Variants in LINGO2 observed in about 807,000 individuals in gnomAD.
LINGO2 encodes the protein leucine rich repeat and Ig domain containing 2, also known as leucine-rich repeat and immunoglobulin-like domain-containing nogo receptor-interacting protein 2.
A neutral mutation model predicts 30.6 loss-of-function variants in LINGO2; 14 were observed. That is an observed-to-expected ratio of 0.46 (90% CI 0.30 to 0.72). The LOEUF (loss-of-function observed/expected upper bound fraction) is 0.72. Ranked by LOEUF, LINGO2 falls within the 30% of genes least tolerant of loss-of-function variation. LINGO2 has a pLI of 0.07. For missense variants in LINGO2, 729 were observed against 751.7 expected (o/e 0.97, Z 0.35); for synonymous variants, 317 against 288.5 (o/e 1.10, Z -1.00).
At chr9:28,027,550 A>C (rs1306262159) in intron 4 of LINGO2, among the ~76,000 whole-genome samples, 1 of 152,176 alleles carries the variant, frequency 6.6e-6, no homozygotes, top group Admixed American at 6.5e-5. Context: ...GTAAGGTGCA[A>C]GTCTGTCTAA....
the LINGO2 span, among the ~76,000 whole-genome samples, chr9:29,059,056 T>C: frequency 0.44 from 66,837 of 151,622 alleles, 14,855 homozygotes; most frequent in East Asian, 0.55. Flanking sequence ...AGCATAAATA[T>C]GAAATAGTAT....
At chr9:28,521,214 T>A (rs956269567) in intron 1 of LINGO2, among the ~76,000 whole-genome samples, 2 of 152,170 alleles carry the variant, frequency 1.3e-5, no homozygotes, top group Non-Finnish European at 2.9e-5. Flanking sequence ...CAAAGCAAGA[T>A]AAAAATAAAT....
rs113737794 is a variant in LINGO2, at chr9:28,410,657, G to C, written c.-278-37789C>G. On this transcript the variant is annotated intron_variant, in intron 2 of 5. Transcript: ENST00000379992. ...TAAAGGCTGACAAAGTATAGTAAGA[G>C]AAAGTTTGTTCTCTATTACAATCTG... 6.2e-3 allele frequency among the ~76,000 whole-genome samples: 939 copies of C among 152,178 alleles called. 12 individuals carry two copies. Among genetic ancestry groups the C allele is most frequent in the African/African-American group, 0.017 (705 of 41,526 alleles).
chr9:29,190,809 T>C, the LINGO2 span, among the ~76,000 whole-genome samples: 1 of 152,194 alleles, frequency 6.6e-6, no homozygotes, highest in African/African-American at 2.4e-5. Context: ...TCCAAATATA[T>C]GCCAATTAAC....
chr9:28,953,188 T>G, the LINGO2 span, among the ~76,000 whole-genome samples: 1 of 152,138 alleles, frequency 6.6e-6, no homozygotes, highest in African/African-American at 2.4e-5. Flanking sequence ...ATTGAACATT[T>G]ATCATTACTA....
the LINGO2 span, among the ~76,000 whole-genome samples, chr9:28,839,510 G>A: frequency 2.6e-5 from 4 of 152,120 alleles, no homozygotes; most frequent in African/African-American, 7.2e-5. Context: ...GGAGTGGGTA[G>A]CTCCTATTTA....
At chr9:28,358,315 C>G (rs1820310628) in intron 3 of LINGO2, among the ~76,000 whole-genome samples, 1 of 152,082 alleles carries the variant, frequency 6.6e-6, no homozygotes, top group East Asian at 1.9e-4. Context: ...TAAGTAAATT[C>G]TAATCAAGGA....
chr9:28,003,404 G>C (rs1822081568), intron 5 of LINGO2, among the ~76,000 whole-genome samples: 2 of 152,016 alleles, frequency 1.3e-5, no homozygotes, highest in Non-Finnish European at 1.5e-5. Context: ...GAGAGAGTTA[G>C]AGAGTTCACA....
At chr9:28,107,761 C>T (rs957131294) in intron 4 of LINGO2, among the ~76,000 whole-genome samples, 1 of 152,150 alleles carries the variant, frequency 6.6e-6, no homozygotes, top group Admixed American at 6.6e-5. Context: ...GTTTGCTCAA[C>T]CTCATAAATG....
At chr9:28,251,895 G>A (rs2134012627) in intron 4 of LINGO2, among the ~76,000 whole-genome samples, 1 of 152,186 alleles carries the variant, frequency 6.6e-6, no homozygotes, top group African/African-American at 2.4e-5. Context: ...TTGTATACCT[G>A]GAATTGTACT....
Position 28,147,730 on chromosome 9 carries a change from A to G in LINGO2, c.-86-135325T>C, listed in dbSNP as rs573092618. 1.6e-4 allele frequency among the ~76,000 whole-genome samples: 25 copies of G among 152,268 alleles called. No homozygotes were observed. Among genetic ancestry groups the G allele is most frequent in the African/African-American group, 6.0e-4 (25 of 41,578 alleles). On this transcript the variant is annotated intron_variant, in intron 4 of 5. Transcript: ENST00000379992. The surrounding 1 kb of genome is among the most constrained non-coding windows in gnomAD (Gnocchi z 4.7). ...CGTCCAGGGCCACACAACTGCCCCCAGGAGCAGGACGTCCCTGAGGCTAGA... is the reference window on the plus strand; with the variant it reads ...CGTCCAGGGCCACACAACTGCCCCCGGGAGCAGGACGTCCCTGAGGCTAGA...
At chr9:27,954,772 G>A (rs1009146469) in intron 5 of LINGO2, among the ~76,000 whole-genome samples, 1 of 152,112 alleles carries the variant, frequency 6.6e-6, no homozygotes, top group Non-Finnish European at 1.5e-5. Flanking sequence ...CCCAGCAGTG[G>A]GATTGCTGGA....
At chr9:28,702,941 A>G in the LINGO2 span, among the ~76,000 whole-genome samples, 1 of 151,834 alleles carries the variant, frequency 6.6e-6, no homozygotes, top group Non-Finnish European at 1.5e-5. Flanking sequence ...GTCTTCCTTT[A>G]TCAACCTTTT....
intron 2 of LINGO2, among the ~76,000 whole-genome samples, chr9:28,381,661 T>C: frequency 6.6e-6 from 1 of 152,136 alleles, no homozygotes; most frequent in East Asian, 1.9e-4. Flanking sequence ...GACTATAATC[T>C]TGGATTTAAA....
intron 4 of LINGO2, among the ~76,000 whole-genome samples, chr9:28,256,508 T>C (rs755950430): frequency 7.1e-4 from 108 of 151,884 alleles, no homozygotes; most frequent in Non-Finnish European, 1.3e-3. Flanking sequence ...AATAATTGCA[T>C]TAAATAACAG....
At chr9:27,938,981 G>C in the LINGO2 span, 1 of 152,254 alleles carries the variant, frequency 6.6e-6, no homozygotes, top group Admixed American at 6.5e-5. Context: ...TGAATATTTT[G>C]AGGGCATGTA....
At chr9:28,355,213 C>G (rs915520024) in intron 3 of LINGO2, among the ~76,000 whole-genome samples, 62 of 151,612 alleles carry the variant, frequency 4.1e-4, no homozygotes, top group African/African-American at 1.4e-3. Flanking sequence ...TTATAAATCT[C>G]AAAACCGTAA....
At chr9:29,083,064 C>T in the LINGO2 span, among the ~76,000 whole-genome samples, 2 of 152,176 alleles carry the variant, frequency 1.3e-5, no homozygotes, top group East Asian at 3.9e-4. Flanking sequence ...ACCATTTGAC[C>T]CAGCCATCCC....
chr9:28,676,896 G>T, the LINGO2 span, among the ~76,000 whole-genome samples: 1 of 152,032 alleles, frequency 6.6e-6, no homozygotes, highest in Non-Finnish European at 1.5e-5. Context: ...TTCTTAAGTG[G>T]ATGGCATATT....
Sources: allele counts gnomAD v4.1 joint callset (sites outside exome capture counted in the v4.1 genomes callset), GRCh38; gene constraint gnomAD v4.1.1; non-coding constraint Gnocchi (gnomAD v3.1); transcripts MANE v1.5; gene names NCBI Gene and HGNC (gene_info 2026-07-23, HGNC 2026-07-21).